Variants in PAOX observed in about 807,000 individuals in gnomAD.
The protein encoded by PAOX is polyamine oxidase.
In PAOX, 38 loss-of-function variants were observed where a neutral mutation model predicts 39.0. The ratio of observed to expected loss-of-function variants is 0.97; its 90% confidence interval spans 0.75 to 1.28. The LOEUF is 1.28. Ranked by LOEUF, PAOX falls within the 50% of genes most tolerant of loss-of-function variation. PAOX has a pLI of 0.00. For synonymous variants in PAOX, 311 were observed against 314.4 expected (o/e 0.99, Z 0.11); for missense variants, 667 against 685.7 (o/e 0.97, Z 0.30).
Position 133,389,712 on chromosome 10 carries a change from G to A in PAOX, c.1357G>A (p.Ala453Thr), listed in dbSNP as rs765965957. 2 of 1,583,138 alleles carry A rather than the reference G, an allele frequency of 1.3e-6. No homozygotes were observed. Among genetic ancestry groups the A allele is most frequent in the Admixed American group, 1.8e-5 (1 of 56,672 alleles). ...TACTGGGGGCGACCTGGACCTGCTG[G>A]CTCAGCCCCTCCCTGCAGACGGCGC... ...GSTGGDLDLL[A>T]QPLPADGAGA... The change falls in exon 6 of 7, where the codon GCT (alanine) becomes ACT (threonine). Residue 453 changes from alanine to threonine, a missense_variant. Physicochemically the swap from Ala to Thr is moderately conservative, Grantham distance 58 (BLOSUM62 0). Coordinates refer to ENST00000278060, the MANE Select transcript of PAOX (RefSeq NM_152911.4).
At chr10:133,386,134 C>T (rs1849526579) in intron 4 of PAOX, among the ~76,000 whole-genome samples, 1 of 150,560 alleles carries the variant, frequency 6.6e-6, no homozygotes, top group Non-Finnish European at 1.5e-5. Context: ...AAGCGATTTT[C>T]CTGCCTCAGC....
At position 133,380,172 on chromosome 10, in the gene PAOX, G is replaced by A. The variant is rs778131859; in HGVS notation, c.355G>A (p.Gly119Arg). 24 of 1,610,628 alleles carry A rather than the reference G, an allele frequency of 1.5e-5. No individual in the cohort carries two copies. The highest frequency in any genetic ancestry group is 2.7e-5 in the African/African-American group (2 of 74,906). ...GLPSVSYASS[G>R]ASVSLQLVAE... Reference sequence around the variant, plus strand: ...GCCCTCCGTGAGCTACGCCAGCTCCGGGGCCAGCGTGAGCCTCCAGCTGGT... The same window carrying A: ...GCCCTCCGTGAGCTACGCCAGCTCCAGGGCCAGCGTGAGCCTCCAGCTGGT... The change falls in exon 2 of 7, where the codon GGG becomes AGG. Residue 119 changes from glycine to arginine, a missense_variant. Physicochemically the swap from Gly to Arg is moderately radical, Grantham distance 125 (BLOSUM62 -2). Transcript: ENST00000278060.
chr10:133,384,488 G>A lies in PAOX; in HGVS notation c.1121+276G>A, dbSNP rs891045501. Reference sequence around the variant, plus strand: ...GGCTCAGTCTTCAGTCAGTGGGAACGTGTTTACTGGAATGTTGCAGGGAGC... The same window carrying A: ...GGCTCAGTCTTCAGTCAGTGGGAACATGTTTACTGGAATGTTGCAGGGAGC... On this transcript the variant is annotated intron_variant, in intron 4 of 6. Coordinates refer to ENST00000278060, the MANE Select transcript of PAOX (RefSeq NM_152911.4). The surrounding 1 kb of genome is among the most constrained non-coding windows in gnomAD (Gnocchi z 4.3). Among the ~76,000 whole-genome samples, 5 of 152,188 alleles carry A rather than the reference G, an allele frequency of 3.3e-5. No homozygotes were observed. The highest frequency in any genetic ancestry group is 5.9e-5 in the Non-Finnish European group (4 of 68,034).
chr10:133,389,087 C>T lies in PAOX; in HGVS notation c.1234+19C>T, dbSNP rs552074825. ...GTGACAGGTAGGTACTCACCACACA[C>T]GCTGGTTCCTGCCTCTGCTCGTTAC... On this transcript the variant is annotated intron_variant, in intron 5 of 6. Transcript: ENST00000278060. 43 of 1,562,278 alleles carry T rather than the reference C, an allele frequency of 2.8e-5. No homozygotes were observed. In the Admixed American group the frequency reaches 3.0e-4, roughly 11 times the overall value.
rs890993021 is a variant in PAOX, at chr10:133,384,360, G to T, written c.1121+148G>T. The T allele has an allele frequency of 1.6e-6, 2 of 1,279,508 alleles. No homozygotes were observed. The highest frequency in any genetic ancestry group is 2.1e-6 in the Non-Finnish European group (2 of 932,130). 79.3% of individuals were successfully genotyped at this position (1,279,508 alleles called of 1,614,324 possible). A position where few individuals can be genotyped will look rare whatever the true frequency, so the allele number is the denominator to read the frequency against. On this transcript the variant is annotated intron_variant, in intron 4 of 6. Transcript: ENST00000278060. This position sits in a 1 kb window ranked among gnomAD's most constrained non-coding sequence, Gnocchi z 4.3. ...CATGAGCGCCCCCCCACCAGGTGCT[G>T]GCTGCACCTGGGCCTGACCCCTGCG...
intron 4 of PAOX, among the ~76,000 whole-genome samples, chr10:133,387,277 T>G (rs1849553302): frequency 6.6e-6 from 1 of 152,122 alleles, no homozygotes; most frequent in South Asian, 2.1e-4. Flanking sequence ...AGGCCATGTC[T>G]TAAAAAAATA....
rs763007791 is a variant in PAOX at position 133,381,569 on chromosome 10, G to A, written c.778G>A (p.Ala260Thr). 6 of 1,613,866 alleles carry A rather than the reference G, an allele frequency of 3.7e-6. No individual in the cohort carries two copies. In the Admixed American group the frequency reaches 8.3e-5, roughly 22 times the overall value. The change falls in exon 3 of 7, where the codon GCC (alanine) becomes ACC (threonine). Residue 260 changes from alanine to threonine, a missense_variant. Transcript: ENST00000278060. The stretch of plus-strand genomic sequence containing the variant: ...CTGGAACGGGTCCTTCCAGGAGGCA[G>A]CCTTTCCCGGGGAGACCTTTCCAGT... ...IHWNGSFQEA[A>T]FPGETFPVSV... is the part of the protein sequence containing the mutation.
intron 3 of PAOX, among the ~76,000 whole-genome samples, chr10:133,382,049 G>T (rs1477425161): frequency 3.3e-5 from 5 of 152,118 alleles, no homozygotes; most frequent in Non-Finnish European, 7.3e-5. Flanking sequence ...TAGATCTGGT[G>T]CTTTAGATCT....
At chr10:133,386,018 C>CTTTTT (rs60370984) in intron 4 of PAOX, among the ~76,000 whole-genome samples, 1 of 141,288 alleles carries the variant, frequency 7.1e-6, no homozygotes, top group Non-Finnish European at 1.5e-5. Flanking sequence ...TTCTGCAAAA[C>CTTTTT]TTTTTTTTTT....
At chr10:133,389,795 C>A (rs770651511) in intron 6 of PAOX, 48 bp downstream of exon 6, 1 of 1,413,656 alleles carries the variant, frequency 7.1e-7, no homozygotes, top group Non-Finnish European at 9.2e-7. Context: ...CTGCAGAGGC[C>A]CCCGCCGAGT....
At chr10:133,388,921 G>T in intron 4 of PAOX, 35 bp from the exon 5 acceptor site, 2 of 1,169,272 alleles carry the variant, frequency 1.7e-6, no homozygotes, top group Admixed American at 3.4e-5. Context: ...CTCCATGCAG[G>T]TCTGGTCATC....
rs1312351895 is a variant in PAOX at position 133,379,285 on chromosome 10, C to G, written c.-32C>G. ...CCGAGAGCTCCAGACCTCCCGGCTA[C>G]TCAGAAGCCCTCGGACTGCCCGGAC... is the stretch of plus-strand genomic sequence containing the variant. On this transcript the variant is annotated 5_prime_UTR_variant, in exon 1 of 7. Coordinates refer to ENST00000278060, the MANE Select transcript of PAOX (RefSeq NM_152911.4). 4.1e-6 allele frequency: 5 copies of G among 1,210,196 alleles called. No homozygotes were observed. The highest frequency in any genetic ancestry group is 8.8e-5 in the Admixed American group (2 of 22,830). The allele number at this position is 1,210,196 out of a possible 1,614,324, so 75.0% of individuals were successfully genotyped here. A position where few individuals can be genotyped will look rare whatever the true frequency, so the allele number is the denominator to read the frequency against.
In PAOX at chr10:133,379,818, G is replaced by A. The variant is rs148881386; in HGVS notation, c.182-181G>A. On this transcript the variant is annotated intron_variant, in intron 1 of 6. Transcript: ENST00000278060. ...CACACCGCCCGACAAGTGCCCTCCTGCCCAGGTGCTCCCCTTAAACTGGGT... is the reference window on the plus strand; with the variant it reads ...CACACCGCCCGACAAGTGCCCTCCTACCCAGGTGCTCCCCTTAAACTGGGT... 452 of 763,666 alleles carry A rather than the reference G, an allele frequency of 5.9e-4. 2 individuals carry two copies. In the African/African-American group the frequency reaches 7.0e-3, roughly 12 times the overall value. 47.3% of individuals were successfully genotyped at this position (763,666 alleles called of 1,614,324 possible).
rs564665711 is a variant in PAOX, at chr10:133,384,342, GC to G, written c.1121+137del. 42 of 1,389,044 alleles carry G rather than the reference GC, an allele frequency of 3.0e-5. 1 individual carries two copies. The South Asian group carries it at 3.6e-4, about 12-fold the overall frequency. 86.0% of individuals were successfully genotyped at this position (1,389,044 alleles called of 1,614,324 possible). ...TTTAATGGGTAGGGTTCCCATGAGC[GC>G]CCCCCCACCAGGTGCTGGCTGCACC... On this transcript the variant is annotated intron_variant, in intron 4 of 6. Transcript: ENST00000278060. The surrounding 1 kb of genome is among the most constrained non-coding windows in gnomAD (Gnocchi z 4.3).
rs200069652 is a variant in PAOX at position 133,379,744 on chromosome 10, G to GA, written c.181+247_181+248insA. ...GGCCGCCCTGATTCTGCCCCACGGG[G>GA]GCCCCCCCAGCCCCGGGGTACGCCC... On this transcript the variant is annotated intron_variant, in intron 1 of 6. Coordinates refer to ENST00000278060, the MANE Select transcript of PAOX (RefSeq NM_152911.4). 1,540 of 545,458 alleles carry GA rather than the reference G, an allele frequency of 2.8e-3. 46 individuals are homozygous for GA. In the East Asian group the frequency reaches 0.046, roughly 16 times the overall value. 33.8% of individuals were successfully genotyped at this position (545,458 alleles called of 1,614,324 possible).
Position 133,391,424 on chromosome 10 carries a change from C to T in PAOX, c.1505C>T (p.Pro502Leu), listed in dbSNP as rs747718413. ...EADRLLSLWAPQVQQPRPRL is the reference protein window; with the variant it reads ...EADRLLSLWALQVQQPRPRL ...GACCGCCTCCTCAGTCTGTGGGCCCCGCAGGTGCAGCAGCCCAGGCCCAGG... is the reference window on the plus strand; with the variant it reads ...GACCGCCTCCTCAGTCTGTGGGCCCTGCAGGTGCAGCAGCCCAGGCCCAGG... The change falls in exon 7 of 7, where the codon CCG (proline) becomes CTG (leucine). Residue 502 changes from proline to leucine, a missense_variant. Transcript: ENST00000278060. The T allele has an allele frequency of 5.6e-6, 9 of 1,612,738 alleles. No homozygotes were observed. Among genetic ancestry groups the T allele is most frequent in the Admixed American group, 5.0e-5 (3 of 60,010 alleles).
chr10:133,388,650 G>C (rs893287334), intron 4 of PAOX, among the ~76,000 whole-genome samples: 1 of 152,222 alleles, frequency 6.6e-6, no homozygotes, highest in African/African-American at 2.4e-5. Flanking sequence ...AGATGGCTGT[G>C]ACCTTGAGGG....
chr10:133,379,519 C>T (rs1330005460), intron 1 of PAOX, 22 bp downstream of exon 1: 4 of 1,225,086 alleles, frequency 3.3e-6, no homozygotes, highest in Non-Finnish European at 4.1e-6. Context: ...TCCCGGAGCC[C>T]CTCCCGGAAC....
chr10:133,380,334 GATGAGGAGA>G lies in PAOX; in HGVS notation c.518_526del (p.Asp173_Thr176delinsAla). Reference sequence around the variant, plus strand: ...CCAGCACGTGGCCGGCTGGACAGAGGATGAGGAGACCAGGAAGCTGAAGCTGGCCGTCCT... The same window carrying G: ...CCAGCACGTGGCCGGCTGGACAGAGGCCAGGAAGCTGAAGCTGGCCGTCCT... On this transcript the variant is annotated inframe_deletion, in exon 2 of 7. Transcript: ENST00000278060. The G allele has an allele frequency of 1.2e-6, 2 of 1,612,938 alleles. No individual in the cohort carries two copies. The highest frequency in any genetic ancestry group is 2.2e-5 in the South Asian group (2 of 91,084).
Sources: allele counts gnomAD v4.1 joint callset (sites outside exome capture counted in the v4.1 genomes callset), GRCh38; gene constraint gnomAD v4.1.1; non-coding constraint Gnocchi (gnomAD v3.1); transcripts MANE v1.5; gene names NCBI Gene and HGNC (gene_info 2026-07-23, HGNC 2026-07-21).